The following CFAP61 variants were observed in gnomAD, a reference collection of about 807,000 sequenced individuals.
CFAP61 encodes the protein cilia- and flagella-associated protein 61.
A neutral mutation model predicts 135.6 loss-of-function variants in CFAP61; 107 were observed. The ratio of observed to expected loss-of-function variants is 0.79; its 90% CI spans 0.67 to 0.93. CFAP61 has a LOEUF of 0.93. Ranked by LOEUF, CFAP61 falls within the 40% of genes least tolerant of loss-of-function variation. The pLI is 0.00. For synonymous variants in CFAP61, 575 were observed against 578.5 expected (o/e 0.99, Z 0.09); for missense variants, 1,507 against 1,556.2 (o/e 0.97, Z 0.53).
chr20:20,137,445 T>A (rs1388450935), intron 8 of CFAP61, among the ~76,000 whole-genome samples: 2 of 152,134 alleles, frequency 1.3e-5, no homozygotes, highest in East Asian at 3.9e-4. Flanking sequence ...GCAGCTGGCC[T>A]GACTGTGACA....
intron 8 of CFAP61, among the ~76,000 whole-genome samples, chr20:20,128,606 G>A (rs2050260474): frequency 1.3e-5 from 2 of 151,662 alleles, no homozygotes; most frequent in African/African-American, 4.9e-5. Flanking sequence ...AAGATTGCTG[G>A]TTTGTTTTTG....
chr20:20,300,895 C>G (rs959598857), intron 25 of CFAP61, among the ~76,000 whole-genome samples: 1 of 152,014 alleles, frequency 6.6e-6, no homozygotes, highest in Non-Finnish European at 1.5e-5. Flanking sequence ...CATGAGCCAC[C>G]GTGCCTGGCC....
At chr20:20,086,148 C>CTTT (rs879817698) in intron 6 of CFAP61, among the ~76,000 whole-genome samples, 4,268 of 142,298 alleles carry the variant, frequency 0.03, 211 homozygotes, top group African/African-American at 0.1. Flanking sequence ...TTGCCAGTTT[C>CTTT]TTTTTTTTTT....
rs541041744 is a variant in CFAP61 at position 20,239,238 on chromosome 20, C to T, written c.2061-6879C>T. Among the ~76,000 whole-genome samples the T allele has an allele frequency of 3.3e-5, 5 of 152,278 alleles. No individual in the cohort carries two copies. The South Asian group carries it at 8.3e-4, about 25-fold the overall frequency. On this transcript the variant is annotated intron_variant, in intron 18 of 26. Transcript: ENST00000245957. ...TAAACTTCATGACTTTAGACCAATACTCTTACATAGTTATAGATTTAAGAA... is the reference window on the plus strand; with the variant it reads ...TAAACTTCATGACTTTAGACCAATATTCTTACATAGTTATAGATTTAAGAA...
intron 25 of CFAP61, among the ~76,000 whole-genome samples, chr20:20,329,492 G>T (rs1466487384): frequency 6.6e-6 from 1 of 152,140 alleles, no homozygotes; most frequent in African/African-American, 2.4e-5. Context: ...TGCCATTGCA[G>T]CTGCATTTAG....
intron 21 of CFAP61, among the ~76,000 whole-genome samples, chr20:20,271,714 A>G (rs2053371787): frequency 1.3e-5 from 2 of 152,222 alleles, no homozygotes; most frequent in South Asian, 4.1e-4. Flanking sequence ...TGCCATGGTT[A>G]TATTCCCTTA....
intron 20 of CFAP61, among the ~76,000 whole-genome samples, chr20:20,256,328 A>T (rs1236035638): frequency 6.6e-6 from 1 of 152,214 alleles, no homozygotes; most frequent in East Asian, 1.9e-4. Flanking sequence ...ACACAGTAAG[A>T]GAAAGAGAAC....
chr20:20,224,188 C>T (rs1178669558), intron 17 of CFAP61, among the ~76,000 whole-genome samples: 4 of 152,172 alleles, frequency 2.6e-5, no homozygotes, highest in African/African-American at 9.7e-5. Flanking sequence ...CAAACTCCTC[C>T]AGTAGTGACT....
chr20:20,169,700 T>C (rs186050900), intron 13 of CFAP61, among the ~76,000 whole-genome samples: 290 of 152,326 alleles, frequency 1.9e-3, no homozygotes, highest in African/African-American at 6.6e-3. Context: ...CAATGCCATG[T>C]TGACAGATTC....
intron 2 of CFAP61, chr20:20,069,675 G>T (rs1471216155): frequency 6.7e-6 from 3 of 449,480 alleles, no homozygotes; most frequent in Non-Finnish European, 1.3e-5. Flanking sequence ...GTTGACAGTG[G>T]TTGGTTATCA....
At chr20:20,253,792 G>T (rs919006992) in intron 20 of CFAP61, 2 of 214,492 alleles carry the variant, frequency 9.3e-6, no homozygotes, top group South Asian at 6.2e-5. Context: ...ACGAAGATTT[G>T]AACCTCTCGA....
chr20:20,320,940 TG>T (rs544474956), intron 25 of CFAP61, among the ~76,000 whole-genome samples: 30 of 151,720 alleles, frequency 2.0e-4, no homozygotes, highest in African/African-American at 5.3e-4. Context: ...AATGTTTACA[TG>T]GAAAATAATT....
chr20:20,268,007 C>T (rs2052931108), intron 21 of CFAP61, among the ~76,000 whole-genome samples: 1 of 152,270 alleles, frequency 6.6e-6, no homozygotes, highest in African/African-American at 2.4e-5. Flanking sequence ...AGGAGCAGGG[C>T]TGTGCTTATG....
At chr20:20,095,101 T>C (rs2047471561) in intron 7 of CFAP61, among the ~76,000 whole-genome samples, 1 of 152,202 alleles carries the variant, frequency 6.6e-6, no homozygotes, top group Admixed American at 6.5e-5. Flanking sequence ...TCCATTTTTT[T>C]TTACTATTCT....
chr20:20,094,973 C>T (rs764326978), intron 7 of CFAP61, among the ~76,000 whole-genome samples: 82 of 152,234 alleles, frequency 5.4e-4, no homozygotes, highest in South Asian at 8.3e-4. Flanking sequence ...GTTAAATCCT[C>T]AGGAACTCTG....
At chr20:20,234,213 C>T (rs1374702709) in intron 18 of CFAP61, among the ~76,000 whole-genome samples, 1 of 152,162 alleles carries the variant, frequency 6.6e-6, no homozygotes, top group East Asian at 1.9e-4. Flanking sequence ...ACACCCTTGT[C>T]AGTGGGTCCC....
chr20:20,307,754 C>T (rs192238028), intron 25 of CFAP61, among the ~76,000 whole-genome samples: 23 of 152,142 alleles, frequency 1.5e-4, no homozygotes, highest in East Asian at 5.8e-4. Flanking sequence ...AGGTCATTAT[C>T]AATAATTAAA....
intron 25 of CFAP61, among the ~76,000 whole-genome samples, chr20:20,308,582 A>T (rs998674270): frequency 2.6e-5 from 4 of 152,126 alleles, no homozygotes; most frequent in Admixed American, 1.3e-4. Flanking sequence ...CCCTATGCTT[A>T]TACTTGTTTC....
At chr20:20,319,324 G>T (rs6136991) in intron 25 of CFAP61, among the ~76,000 whole-genome samples, 31,648 of 152,180 alleles carry the variant, frequency 0.21, 4,477 homozygotes, top group African/African-American at 0.39. Flanking sequence ...GTCTTCAAAA[G>T]TCTGAAAGGA....
Sources: gnomAD v4.1 joint callset for allele counts (sites outside exome capture counted in the v4.1 genomes callset) on GRCh38, gnomAD v4.1.1 for gene constraint, MANE v1.5 for transcripts, NCBI Gene and HGNC (gene_info 2026-07-23, HGNC 2026-07-21) for gene names.